The following RABGAP1L variants were observed in gnomAD, a reference collection of about 807,000 sequenced individuals.
The protein encoded by RABGAP1L is rab GTPase-activating protein 1-like.
In RABGAP1L, 63 loss-of-function variants were observed where a neutral mutation model predicts 137.7. The observed-to-expected ratio is 0.46, with a 90% CI of 0.37 to 0.56. RABGAP1L has a LOEUF of 0.56. Ranked by LOEUF, RABGAP1L falls within the 20% of genes least tolerant of loss-of-function variation. The probability of loss-of-function intolerance (pLI) is 0.00; values close to 1 mark genes in which losing one functional copy is unlikely to be tolerated. For synonymous variants in RABGAP1L, 431 were observed against 433.7 expected (o/e 0.99, Z 0.08); for missense variants, 1,095 against 1,244.0 (o/e 0.88, Z 1.80).
chr1:174,815,072 T>A (rs113748999), intron 19 of RABGAP1L, among the ~76,000 whole-genome samples: 1 of 152,160 alleles, frequency 6.6e-6, no homozygotes, highest in Non-Finnish European at 1.5e-5. Context: ...CACAACCCAC[T>A]AAATCGATTT....
chr1:174,340,450 C>G (rs1025273473), intron 11 of RABGAP1L, among the ~76,000 whole-genome samples: 2 of 152,102 alleles, frequency 1.3e-5, no homozygotes, highest in African/African-American at 4.8e-5. Flanking sequence ...CAGACAGGCC[C>G]CAGTGTGTGT....
intron 18 of RABGAP1L, among the ~76,000 whole-genome samples, chr1:174,792,287 T>C (rs1299116107): frequency 2.0e-5 from 3 of 152,222 alleles, no homozygotes; most frequent in Non-Finnish European, 4.4e-5. Context: ...TGGGCAGCCC[T>C]ATGAGAGATA....
At chr1:174,598,317 ACT>A (rs1227983507) in intron 13 of RABGAP1L, among the ~76,000 whole-genome samples, 2 of 124,350 alleles carry the variant, frequency 1.6e-5, no homozygotes, top group Admixed American at 1.7e-4. Context: ...GCAGAGTGAG[ACT>A]CTGTCTCAAA....
chr1:174,202,338 C>G (rs995424400), intron 1 of RABGAP1L, among the ~76,000 whole-genome samples: 8 of 152,092 alleles, frequency 5.3e-5, no homozygotes, highest in Non-Finnish European at 7.4e-5. Context: ...TTAATGATTC[C>G]CATTCTAACT....
intron 11 of RABGAP1L, among the ~76,000 whole-genome samples, chr1:174,356,763 AAACT>A: frequency 6.6e-6 from 1 of 152,188 alleles, no homozygotes; most frequent in Non-Finnish European, 1.5e-5. Flanking sequence ...GAGATAAAAC[AAACT>A]GGGAATGTGT....
At chr1:174,896,219 C>T (rs1028101146) in intron 19 of RABGAP1L, among the ~76,000 whole-genome samples, 2 of 152,144 alleles carry the variant, frequency 1.3e-5, no homozygotes, top group African/African-American at 2.4e-5. Context: ...TTTCATGTGT[C>T]TGTTGGCTGC....
chr1:174,559,385 G>A (rs556763514), intron 13 of RABGAP1L, among the ~76,000 whole-genome samples: 1 of 152,266 alleles, frequency 6.6e-6, no homozygotes, highest in South Asian at 2.1e-4. Flanking sequence ...AGGGACTTCA[G>A]ATCACTGTAT....
In RABGAP1L at chr1:174,220,132, G is replaced by A. The variant is rs867226653; in HGVS notation, c.138+837G>A. On this transcript the variant is annotated intron_variant, in intron 2 of 25. Coordinates refer to ENST00000681986, the MANE Select transcript of RABGAP1L (RefSeq NM_001366446.1). ...CATCACTTATTTGCTTAGGCTTTGTGTTTCACCTGCCTTTGAGAAAACTAT... is the reference window on the plus strand; with the variant it reads ...CATCACTTATTTGCTTAGGCTTTGTATTTCACCTGCCTTTGAGAAAACTAT... 3.3e-5 allele frequency among the ~76,000 whole-genome samples: 5 copies of A among 152,142 alleles called. No homozygotes were observed. In the Middle Eastern group the frequency reaches 0.01, roughly 310 times the overall value.
intron 13 of RABGAP1L, among the ~76,000 whole-genome samples, chr1:174,563,056 G>A (rs993432371): frequency 1.3e-5 from 2 of 152,106 alleles, no homozygotes; most frequent in Admixed American, 1.3e-4. Context: ...ATCATCTGTA[G>A]TTACTTTTGT....
intron 3 of RABGAP1L, 132 bp downstream of exon 3, chr1:174,221,296 T>A: frequency 1.4e-6 from 1 of 723,614 alleles, no homozygotes; most frequent in Non-Finnish European, 2.2e-6. Context: ...TCCACTTCGG[T>A]GTTATGTTTC....
At chr1:174,735,988 C>T (rs926056553) in intron 17 of RABGAP1L, among the ~76,000 whole-genome samples, 1 of 152,162 alleles carries the variant, frequency 6.6e-6, no homozygotes, top group Non-Finnish European at 1.5e-5. Flanking sequence ...TGAGATTTGG[C>T]GAGGATGAAT....
At chr1:174,603,525 T>G (rs181590856) in intron 13 of RABGAP1L, among the ~76,000 whole-genome samples, 8 of 152,232 alleles carry the variant, frequency 5.3e-5, no homozygotes, top group African/African-American at 1.7e-4. Flanking sequence ...TCAGGAACCT[T>G]AGGATTCTAC....
chr1:174,894,980 C>A (rs1656891216), intron 19 of RABGAP1L, among the ~76,000 whole-genome samples: 1 of 152,148 alleles, frequency 6.6e-6, no homozygotes, highest in South Asian at 2.1e-4. Flanking sequence ...TGGTCTCAAA[C>A]TCCTGACCTC....
chr1:174,213,926 A>G (rs1008314863), intron 1 of RABGAP1L, among the ~76,000 whole-genome samples: 9 of 152,228 alleles, frequency 5.9e-5, no homozygotes, highest in African/African-American at 2.2e-4. Flanking sequence ...TCTGAGATTG[A>G]TAACACAATA....
chr1:174,859,482 C>CAAAAAAAAAAAAAAAAAAAAAAAAAAA (rs35464065), intron 19 of RABGAP1L, among the ~76,000 whole-genome samples: 4 of 133,732 alleles, frequency 3.0e-5, no homozygotes, highest in African/African-American at 5.5e-5. Flanking sequence ...GACTCCATCT[C>CAAAAAAAAAAAAAAAAAAAAAAAAAAA]AAAAAAAAAG....
chr1:174,393,996 C>T lies in RABGAP1L; in HGVS notation c.1561C>T (p.His521Tyr), dbSNP rs758925445. 1.2e-6 allele frequency: 2 copies of T among 1,611,092 alleles called. No individual in the cohort carries two copies. Among genetic ancestry groups the T allele is most frequent in the Non-Finnish European group, 1.7e-6 (2 of 1,178,950 alleles). ...YSWGELLGKW[H>Y]SNLGARPKGL... is the part of the protein sequence containing the mutation. ...TGGATTATTTTCTTGTCTTCTCAGG[C>T]ACAGTAACCTTGGTGCACGACCGAA... Residue 521 changes from histidine to tyrosine, a missense_variant and splice_region_variant, in exon 13 of 26, where the codon CAC becomes TAC. Transcript: ENST00000681986.
At chr1:174,800,393 T>C in intron 18 of RABGAP1L, 5 of 1,550,642 alleles carry the variant, frequency 3.2e-6, no homozygotes, top group Non-Finnish European at 4.4e-6. Flanking sequence ...TGTCAAAAAG[T>C]CCCAGGACAT....
chr1:174,534,775 C>CAAAAAAAAAAAAAAAAAAAAAA (rs71117567), intron 13 of RABGAP1L, among the ~76,000 whole-genome samples: 31 of 71,624 alleles, frequency 4.3e-4, no homozygotes, highest in East Asian at 7.7e-4. Context: ...ACTCTGTCTC[C>CAAAAAAAAAAAAAAAAAAAAAA]AAAAAAAAAA....
intron 17 of RABGAP1L, among the ~76,000 whole-genome samples, chr1:174,726,502 A>G (rs2148607867): frequency 6.6e-6 from 1 of 152,160 alleles, no homozygotes; most frequent in East Asian, 1.9e-4. Flanking sequence ...ATCAAAAGTA[A>G]CTTCCTTTCC....
Sources: allele counts gnomAD v4.1 joint callset (sites outside exome capture counted in the v4.1 genomes callset), GRCh38; gene constraint gnomAD v4.1.1; transcripts MANE v1.5; gene names NCBI Gene and HGNC (gene_info 2026-07-23, HGNC 2026-07-21).